CSNK1E: variants seen among roughly 807,000 people sequenced by gnomAD.
CSNK1E encodes the protein casein kinase I isoform epsilon.
In CSNK1E, 17 loss-of-function variants were observed where a neutral mutation model predicts 46.1. The observed-to-expected ratio is 0.37, with a 90% CI of 0.25 to 0.55. The LOEUF is 0.55. Among genes scored for constraint, CSNK1E ranks in the 20% least tolerant of loss-of-function variants. CSNK1E has a pLI of 0.82. For synonymous variants in CSNK1E, 241 were observed against 242.6 expected (o/e 0.99, Z 0.06); for missense variants, 386 against 595.4 (o/e 0.65, Z 3.66).
rs1464197849 is a variant in CSNK1E at position 38,299,995 on chromosome 22, G to A, written c.636C>T (p.Pro212=). ...TGGTGGCTGCTTTGAGCCCCTGCCAGGGCAGGGAGCCCAGGTTGAAGTACA... is the reference window on the plus strand; with the variant it reads ...TGGTGGCTGCTTTGAGCCCCTGCCAAGGCAGGGAGCCCAGGTTGAAGTACA... ...VLMYFNLGSL[P]WQGLKAATKR... Residue 212 remains proline (P), a synonymous_variant, in exon 6 of 11, where the codon CCC becomes CCT. Transcript: ENST00000396832. 2.5e-6 allele frequency: 4 copies of A among 1,614,072 alleles called. No individual in the cohort carries two copies. The highest frequency in any genetic ancestry group is 3.4e-6 in the Non-Finnish European group (4 of 1,180,028).
intron 7 of CSNK1E, chr22:38,297,967 G>T (rs1028306823): frequency 2.4e-5 from 27 of 1,136,028 alleles, no homozygotes; most frequent in Non-Finnish European, 2.8e-5. Context: ...GGCCTATCTG[G>T]GGGGCTCTGG....
At position 38,300,644 on chromosome 22, in the gene CSNK1E, T is replaced by G; in HGVS notation, c.565+80A>C. 2 of 1,365,494 alleles carry G rather than the reference T, an allele frequency of 1.5e-6. No individual in the cohort carries two copies. The highest frequency in any genetic ancestry group is 2.1e-6 in the Non-Finnish European group (2 of 974,104). The allele number at this position is 1,365,494 out of a possible 1,614,324, so 84.6% of individuals were successfully genotyped here. A position where few individuals can be genotyped will look rare whatever the true frequency, so the allele number is the denominator to read the frequency against. ...AAGAGCCTGGGGGCCTCCATCAGGGTAGGGGGTGAGAGGGCTCCAGAGAGC... is the reference window on the plus strand; with the variant it reads ...AAGAGCCTGGGGGCCTCCATCAGGGGAGGGGGTGAGAGGGCTCCAGAGAGC... On this transcript the variant is annotated intron_variant, in intron 5 of 10. Transcript: ENST00000396832. This position sits in a 1 kb window ranked among gnomAD's most constrained non-coding sequence, Gnocchi z 4.4.
intron 2 of CSNK1E, among the ~76,000 whole-genome samples, chr22:38,304,237 G>T (rs186173439): frequency 6.6e-6 from 1 of 152,164 alleles, no homozygotes; most frequent in South Asian, 2.1e-4. Flanking sequence ...GCCTCAGGAG[G>T]AGTTCAAGAC....
Position 38,298,304 on chromosome 22 carries a change from G to A in CSNK1E, c.885+482C>T, listed in dbSNP as rs1256017120. 1 of 903,850 alleles carries A rather than the reference G, an allele frequency of 1.1e-6. No individual in the cohort carries two copies. Among genetic ancestry groups the A allele is most frequent in the Non-Finnish European group, 1.5e-6 (1 of 650,880 alleles). The allele number at this position is 903,850 out of a possible 1,614,324, so 56.0% of individuals were successfully genotyped here. Reference sequence around the variant, plus strand: ...GCTCCCCACCCAACCCCACCCCTGGGACTCTTAAAAGAGGGAAACAGAACA... The same window carrying A: ...GCTCCCCACCCAACCCCACCCCTGGAACTCTTAAAAGAGGGAAACAGAACA... On this transcript the variant is annotated intron_variant, in intron 7 of 10. Transcript: ENST00000396832. The surrounding 1 kb of genome is among the most constrained non-coding windows in gnomAD (Gnocchi z 4.2).
intron 1 of CSNK1E, among the ~76,000 whole-genome samples, chr22:38,315,848 C>T (rs538724514): frequency 2.0e-5 from 3 of 152,248 alleles, no homozygotes; most frequent in African/African-American, 4.8e-5. Context: ...GCACATGACC[C>T]CCCAGTCTCT....
At chr22:38,293,874 G>A (rs2092625112) in intron 9 of CSNK1E, 2 of 557,708 alleles carry the variant, frequency 3.6e-6, no homozygotes, top group Non-Finnish European at 3.1e-6. Flanking sequence ...GAGCCCAGCT[G>A]TGCCACTTGC....
intron 4 of CSNK1E, among the ~76,000 whole-genome samples, chr22:38,301,822 C>G (rs1443852009): frequency 1.3e-5 from 2 of 152,116 alleles, no homozygotes; most frequent in Non-Finnish European, 2.9e-5. Flanking sequence ...TCTCCTGCAC[C>G]TTTCTTGAGT....
chr22:38,303,755 C>T lies in CSNK1E; in HGVS notation c.77-507G>A, dbSNP rs573784821. Among the ~76,000 whole-genome samples the T allele has an allele frequency of 1.6e-4, 25 of 152,282 alleles. No homozygotes were observed. The South Asian group carries it at 3.7e-3, about 23-fold the overall frequency. ...AATGCTGATGCCTTCAGAGGCAGCC[C>T]TGCACATTCTAATCCAGTGTCTCAT... On this transcript the variant is annotated intron_variant, in intron 2 of 10. Transcript: ENST00000396832. This position sits in a 1 kb window ranked among gnomAD's most constrained non-coding sequence, Gnocchi z 4.7.
At chr22:38,307,403 G>A (rs1332851659) in intron 2 of CSNK1E, among the ~76,000 whole-genome samples, 2 of 151,896 alleles carry the variant, frequency 1.3e-5, no homozygotes, top group Non-Finnish European at 2.9e-5. Context: ...ACAAAAATTA[G>A]CCAAGGTGCT....
chr22:38,302,937 G>A lies in CSNK1E; in HGVS notation c.260C>T (p.Pro87Leu). The A allele has an allele frequency of 6.2e-7, 1 of 1,614,156 alleles. No individual in the cohort carries two copies. Among genetic ancestry groups the A allele is most frequent in the Non-Finnish European group, 8.5e-7 (1 of 1,180,016 alleles). The change falls in exon 4 of 11, where the codon CCT becomes CTT. Residue 87 changes from proline (P) to leucine (L), a missense_variant. Around this residue, in one of 2 missense-constraint regions of CSNK1E, gnomAD observed 212 missense variants for 410.2 expected, o/e 0.52. Transcript: ENST00000396832. ...YNVMVMELLGPSLEDLFNFCS... is the reference protein window; with the variant it reads ...YNVMVMELLGLSLEDLFNFCS... Reference sequence around the variant, plus strand: ...GAAGTTGAACAGGTCCTCGAGGCTAGGCCCCAGCAGCTCCATGACCATCAC... The same window carrying A: ...GAAGTTGAACAGGTCCTCGAGGCTAAGCCCCAGCAGCTCCATGACCATCAC...
At chr22:38,296,351 T>C in intron 7 of CSNK1E, 1 of 1,375,644 alleles carries the variant, frequency 7.3e-7, no homozygotes, top group African/African-American at 1.5e-5. Context: ...ACACAGTGGC[T>C]GTATGTGCTG....
chr22:38,302,241 G>A (rs1332843204), intron 4 of CSNK1E, among the ~76,000 whole-genome samples: 2 of 44,874 alleles, frequency 4.5e-5, no homozygotes, highest in African/African-American at 1.8e-4. Flanking sequence ...TCATGCCTGT[G>A]ATCCCGTGTT....
At position 38,309,643 on chromosome 22, in the gene CSNK1E, T is replaced by A. The variant is rs922521544; in HGVS notation, c.76+4439A>T. Among the ~76,000 whole-genome samples the A allele has an allele frequency of 6.6e-6, 1 of 152,060 alleles. No individual in the cohort carries two copies. The highest frequency in any genetic ancestry group is 1.5e-5 in the Non-Finnish European group (1 of 68,006). ...CTAATTTTTGTATTATTAGTAGAGA[T>A]GGGGTTTCACCATGTTGGCCGGGCT... On this transcript the variant is annotated intron_variant, in intron 2 of 10. Coordinates refer to ENST00000396832, the MANE Select transcript of CSNK1E (RefSeq NM_152221.3). This position sits in a 1 kb window ranked among gnomAD's most constrained non-coding sequence, Gnocchi z 4.8.
chr22:38,310,726 T>A (rs1238221581), intron 2 of CSNK1E, among the ~76,000 whole-genome samples: 1 of 152,206 alleles, frequency 6.6e-6, no homozygotes, highest in Non-Finnish European at 1.5e-5. Flanking sequence ...CTCTCTTGGC[T>A]GACCCCTTAT....
intron 4 of CSNK1E, among the ~76,000 whole-genome samples, chr22:38,301,936 A>C (rs913274858): frequency 6.6e-6 from 1 of 152,298 alleles, no homozygotes; most frequent in South Asian, 2.1e-4. Flanking sequence ...AGATCTCCAC[A>C]TTCCATTCCA....
At chr22:38,297,278 A>T in intron 7 of CSNK1E, 1 of 643,584 alleles carries the variant, frequency 1.6e-6, no homozygotes, top group Admixed American at 2.3e-5. Flanking sequence ...CCTGTGGTGG[A>T]AAGAGCTGGT....
At chr22:38,306,087 G>A (rs2092697503) in intron 2 of CSNK1E, among the ~76,000 whole-genome samples, 1 of 152,220 alleles carries the variant, frequency 6.6e-6, no homozygotes, top group African/African-American at 2.4e-5. Context: ...AGCTCTCTCT[G>A]CACACAAGTG....
chr22:38,313,886 A>G (rs539776984), intron 2 of CSNK1E, among the ~76,000 whole-genome samples, 196 bp downstream of exon 2: 4 of 152,372 alleles, frequency 2.6e-5, no homozygotes, highest in Non-Finnish European at 5.9e-5. Flanking sequence ...TCCAGTGCCC[A>G]GCCTGGCCTG....
chr22:38,307,086 G>A (rs1285526656), intron 2 of CSNK1E, among the ~76,000 whole-genome samples: 1 of 151,998 alleles, frequency 6.6e-6, no homozygotes, highest in Non-Finnish European at 1.5e-5. Flanking sequence ...CAGGAGGACT[G>A]CTTGAACCTA....
Sources: allele counts gnomAD v4.1 joint callset (sites outside exome capture counted in the v4.1 genomes callset), GRCh38; gene constraint gnomAD v4.1.1; regional missense constraint gnomAD v4.1.1; non-coding constraint Gnocchi (gnomAD v3.1); transcripts MANE v1.5; gene names NCBI Gene and HGNC (gene_info 2026-07-23, HGNC 2026-07-21).